CSF2RB: variants seen among roughly 807,000 people sequenced by gnomAD.
The protein encoded by CSF2RB is colony stimulating factor 2 receptor subunit beta.
Under a neutral mutation model 67.2 loss-of-function variants are expected in CSF2RB, and 22 were observed. That is an observed-to-expected ratio of 0.33 (90% CI 0.23 to 0.47). The LOEUF (loss-of-function observed/expected upper bound fraction) is 0.47, where lower values mean the gene tolerates loss of function less well. CSF2RB is among the 20% of genes least tolerant of loss of function. CSF2RB has a pLI of 1.00. For missense variants in CSF2RB, 1,113 were observed against 1,174.5 expected (o/e 0.95, Z 0.76); for synonymous variants, 507 against 482.9 (o/e 1.05, Z -0.65).
At chr22:36,924,757 C>G (rs184135753) in intron 3 of CSF2RB, among the ~76,000 whole-genome samples, 1 of 152,302 alleles carries the variant, frequency 6.6e-6, no homozygotes, top group Admixed American at 6.5e-5. Flanking sequence ...AGGAGGACCA[C>G]CGCGGCCTCC....
chr22:36,932,929 G>T, intron 9 of CSF2RB, 25 bp downstream of exon 9: 1 of 1,612,974 alleles, frequency 6.2e-7, no homozygotes, highest in South Asian at 1.1e-5. Context: ...CCAGGGAGGG[G>T]AGAAACACTG....
rs1234793660 is a variant in CSF2RB at position 36,939,736 on chromosome 22, G to A, written c.*1234G>A. ...ATTGACATACAGTCTTTCACAGATG[G>A]TGGAGTGTTTTTCCCCCAAATCTGT... On this transcript the variant is annotated 3_prime_UTR_variant, in exon 14 of 14. Coordinates refer to ENST00000403662, the MANE Select transcript of CSF2RB (RefSeq NM_000395.3). 1 of 159,778 alleles carries A rather than the reference G, an allele frequency of 6.3e-6. No homozygotes were observed. The highest frequency in any genetic ancestry group is 1.4e-5 in the Non-Finnish European group (1 of 72,016). 9.9% of individuals were successfully genotyped at this position (159,778 alleles called of 1,614,324 possible).
intron 4 of CSF2RB, among the ~76,000 whole-genome samples, chr22:36,929,025 C>A (rs1242636180): frequency 6.6e-6 from 1 of 152,184 alleles, no homozygotes; most frequent in Non-Finnish European, 1.5e-5. Context: ...AGGAAGGGAG[C>A]TTGGACAGCA....
At chr22:36,929,582 C>T in intron 5 of CSF2RB, 23 bp downstream of exon 5, 1 of 1,614,148 alleles carries the variant, frequency 6.2e-7, no homozygotes, top group Non-Finnish European at 8.5e-7. Context: ...GCCAGCTCTG[C>T]CCCAGCCCGA....
At position 36,937,822 on chromosome 22, in the gene CSF2RB, G is replaced by C; in HGVS notation, c.2014G>C (p.Gly672Arg). 6.2e-7 allele frequency: 1 copy of C among 1,607,396 alleles called. No individual in the cohort carries two copies. Among genetic ancestry groups the C allele is most frequent in the Non-Finnish European group, 8.5e-7 (1 of 1,177,164 alleles). ...AAGSPSLESGGGPAPPALGPR... is the reference protein window; with the variant it reads ...AAGSPSLESGRGPAPPALGPR... ...AGGGAGTCCCTCCCTGGAGTCCGGGGGAGGCCCTGCCCCTCCTGCTCTTGG... is the reference window on the plus strand; with the variant it reads ...AGGGAGTCCCTCCCTGGAGTCCGGGCGAGGCCCTGCCCCTCCTGCTCTTGG... Residue 672 changes from glycine to arginine, a missense_variant, in exon 14 of 14, where the codon GGA (glycine) becomes CGA (arginine). Coordinates refer to ENST00000403662, the MANE Select transcript of CSF2RB (RefSeq NM_000395.3). The surrounding 1 kb of genome is among the most constrained non-coding windows in gnomAD (Gnocchi z 4.6).
Position 36,930,356 on chromosome 22 carries a change from G to C in CSF2RB, c.719-19G>C, listed in dbSNP as rs1193413590. On this transcript the variant is annotated intron_variant, in intron 6 of 13. Coordinates refer to ENST00000403662, the MANE Select transcript of CSF2RB (RefSeq NM_000395.3). ...GAGGGATGAATGACGGAGTACATGA[G>C]GACCTGTCTCCAACCCAGGGGATGA... 6.2e-7 allele frequency: 1 copy of C among 1,613,314 alleles called. No individual in the cohort carries two copies. The highest frequency in any genetic ancestry group is 8.5e-7 in the Non-Finnish European group (1 of 1,179,994).
intron 12 of CSF2RB, among the ~76,000 whole-genome samples, chr22:36,935,960 G>C (rs1227011962): frequency 8.3e-6 from 1 of 119,914 alleles, no homozygotes; most frequent in East Asian, 5.4e-4. Context: ...TGGGCTCACA[G>C]AGGGGGTTCC....
chr22:36,920,336 T>G (rs1465923911), intron 1 of CSF2RB, among the ~76,000 whole-genome samples: 2 of 152,230 alleles, frequency 1.3e-5, no homozygotes, highest in African/African-American at 4.8e-5. Context: ...AAGTTTATGT[T>G]GCAACCTAAT....
chr22:36,936,324 A>G (rs1240192634), intron 12 of CSF2RB, among the ~76,000 whole-genome samples: 2 of 152,088 alleles, frequency 1.3e-5, no homozygotes, highest in Admixed American at 1.3e-4. Context: ...GAAAAATCAC[A>G]GGAAAAGGGC....
Position 36,939,481 on chromosome 22 carries a change from A to C in CSF2RB, c.*979A>C, listed in dbSNP as rs532029261. 1.3e-5 allele frequency: 7 copies of C among 528,708 alleles called. No individual in the cohort carries two copies. The highest frequency in any genetic ancestry group is 2.4e-5 in the Non-Finnish European group (7 of 292,838). 32.8% of individuals were successfully genotyped at this position (528,708 alleles called of 1,614,324 possible). On this transcript the variant is annotated 3_prime_UTR_variant, in exon 14 of 14. Transcript: ENST00000403662. ...ACCGGCCACAGATGAGGGGCTGCTG[A>C]TCTATGCCTGGGCCTGCACCAGGGA...
rs1311472663 is a variant in CSF2RB, at chr22:36,938,173, G to A, written c.2365G>A (p.Ala789Thr). ...AAGGAACAATCCTGTCCCCCCTGAG[G>A]CCAAAAGCCCTGTCCTGAACCCAGG... ...SPRNNPVPPE[A>T]KSPVLNPGER... is the part of the protein sequence containing the mutation. Residue 789 changes from alanine to threonine, a missense_variant, in exon 14 of 14, where the codon GCC becomes ACC. Around this residue, in one of 2 missense-constraint regions of CSF2RB, gnomAD observed 554 missense variants for 517.9 expected, o/e 1.07. Coordinates refer to ENST00000403662, the MANE Select transcript of CSF2RB (RefSeq NM_000395.3). The A allele has an allele frequency of 5.0e-6, 8 of 1,613,962 alleles. No homozygotes were observed. The highest frequency in any genetic ancestry group is 2.2e-5 in the East Asian group (1 of 44,866).
In CSF2RB at chr22:36,938,600, C is replaced by A; in HGVS notation, c.*98C>A. 1 of 1,343,910 alleles carries A rather than the reference C, an allele frequency of 7.4e-7. No individual in the cohort carries two copies. The highest frequency in any genetic ancestry group is 1.0e-6 in the Non-Finnish European group (1 of 995,660). The allele number at this position is 1,343,910 out of a possible 1,614,324, so 83.2% of individuals were successfully genotyped here. A position where few individuals can be genotyped will look rare whatever the true frequency, so the allele number is the denominator to read the frequency against. On this transcript the variant is annotated 3_prime_UTR_variant, in exon 14 of 14. Transcript: ENST00000403662. Reference sequence around the variant, plus strand: ...TTCTGCAAAGCCAAGGGGCAGCCTCCTGTCAAGGTAGCTAGAGGCCTGGGA... The same window carrying A: ...TTCTGCAAAGCCAAGGGGCAGCCTCATGTCAAGGTAGCTAGAGGCCTGGGA...
Position 36,930,434 on chromosome 22 carries a change from T to C in CSF2RB, c.778T>C (p.Cys260Arg). The change falls in exon 7 of 14, where the codon TGC becomes CGC. Residue 260 changes from cysteine (C) to arginine (R), a missense_variant. Physicochemically the swap from Cys to Arg is radical, Grantham distance 180 (BLOSUM62 -3). Coordinates refer to ENST00000403662, the MANE Select transcript of CSF2RB (RefSeq NM_000395.3). ...CFFDGAAVLS[C>R]SWEVRKEVAS... ...CTTTGACGGGGCCGCCGTGCTCAGC[T>C]GCTCCTGGGAGGTGAGGAAGGAGGT... The C allele has an allele frequency of 6.2e-7, 1 of 1,613,834 alleles. No homozygotes were observed. The highest frequency in any genetic ancestry group is 1.1e-5 in the South Asian group (1 of 91,066).
At chr22:36,916,715 C>T (rs568954732) in intron 1 of CSF2RB, among the ~76,000 whole-genome samples, 194 of 152,106 alleles carry the variant, frequency 1.3e-3, no homozygotes, top group Non-Finnish European at 1.6e-3. Context: ...AAAAATTAGC[C>T]GGGTTTGGTG....
In CSF2RB at chr22:36,937,325, G is replaced by A. The variant is rs7292430; in HGVS notation, c.1569-52G>A. Reference sequence around the variant, plus strand: ...CCACCAAGACCCTTGTGCCTGACCCGGATCATCTGCCCAGGGTGGTCCCAA... The same window carrying A: ...CCACCAAGACCCTTGTGCCTGACCCAGATCATCTGCCCAGGGTGGTCCCAA... On this transcript the variant is annotated intron_variant, in intron 13 of 13. Transcript: ENST00000403662. The surrounding 1 kb of genome is among the most constrained non-coding windows in gnomAD (Gnocchi z 4.6). The A allele has an allele frequency of 0.021, 32,955 of 1,601,672 alleles. 410 individuals are homozygous for A. The highest frequency in any genetic ancestry group is 0.024 in the Non-Finnish European group (28,608 of 1,175,778).
chr22:36,938,291 T>TGGGGCCCGGCCC lies in CSF2RB; in HGVS notation c.2484_2495dup (p.Gly829_Pro832dup). On this transcript the variant is annotated inframe_insertion, in exon 14 of 14. Coordinates refer to ENST00000403662, the MANE Select transcript of CSF2RB (RefSeq NM_000395.3). ...GGCGACTATTGCTTCCTCCCCGGCC[T>TGGGGCCCGGCCC]GGGGCCCGGCCCTCTCTCGCTCCGG... 6.2e-7 allele frequency: 1 copy of TGGGGCCCGGCCC among 1,614,186 alleles called. No individual in the cohort carries two copies. The highest frequency in any genetic ancestry group is 8.5e-7 in the Non-Finnish European group (1 of 1,180,024).
chr22:36,924,200 A>G (rs572025877), intron 3 of CSF2RB, among the ~76,000 whole-genome samples: 1 of 147,872 alleles, frequency 6.8e-6, no homozygotes, highest in East Asian at 2.1e-4. Context: ...CCTCCCTGTG[A>G]CCTGCTTCCT....
chr22:36,923,122 G>C, intron 2 of CSF2RB, 122 bp from the exon 3 acceptor site: 1 of 1,460,784 alleles, frequency 6.8e-7, no homozygotes. Flanking sequence ...TGGCCACCTG[G>C]TGCCTCTGCA....
chr22:36,939,879 G>A lies in CSF2RB; in HGVS notation c.*1377G>A, dbSNP rs551580525. On this transcript the variant is annotated 3_prime_UTR_variant, in exon 14 of 14. Transcript: ENST00000403662. ...CACTTTTACTGTCAGATTTACAAAGGTCCTCCCATTGCAAAGCAGTGTTTG... is the reference window on the plus strand; with the variant it reads ...CACTTTTACTGTCAGATTTACAAAGATCCTCCCATTGCAAAGCAGTGTTTG... 1 of 152,322 alleles carries A rather than the reference G, an allele frequency of 6.6e-6. No homozygotes were observed. The highest frequency in any genetic ancestry group is 1.9e-4 in the East Asian group (1 of 5,186). 9.4% of individuals were successfully genotyped at this position (152,322 alleles called of 1,614,324 possible). A position where few individuals can be genotyped will look rare whatever the true frequency, so the allele number is the denominator to read the frequency against.
Sources: gnomAD v4.1 joint callset for allele counts (sites outside exome capture counted in the v4.1 genomes callset) on GRCh38, gnomAD v4.1.1 for gene constraint, gnomAD v4.1.1 regional missense constraint, Gnocchi (gnomAD v3.1) non-coding constraint, MANE v1.5 for transcripts, NCBI Gene and HGNC (gene_info 2026-07-23, HGNC 2026-07-21) for gene names.